CNOT6: variants seen among roughly 807,000 people sequenced by gnomAD.
CNOT6 encodes CCR4-NOT transcription complex subunit 6.
CNOT6 carries 12 observed loss-of-function variants against 61.2 expected under a neutral mutation model. The observed-to-expected ratio is 0.20, with a 90% CI of 0.13 to 0.32. The LOEUF (loss-of-function observed/expected upper bound fraction) is 0.32. Ranked by LOEUF, CNOT6 falls within the 10% of genes least tolerant of loss-of-function variation. CNOT6 has a pLI of 1.00. For missense variants in CNOT6, 405 were observed against 663.9 expected, an observed-to-expected ratio of 0.61 and a Z score of 4.28; for synonymous variants, 225 against 240.6, an observed-to-expected ratio of 0.94 and a Z score of 0.60.
rs769695067 is a variant in CNOT6, at chr5:180,571,411, G to A, written c.1440G>A (p.Thr480=). The change falls in exon 11 of 12, where the codon ACG becomes ACA. Residue 480 remains threonine (T), a synonymous_variant. Coordinates refer to ENST00000261951, the MANE Select transcript of CNOT6 (RefSeq NM_001370472.1). ...ATGAGAGTGGCCTGATGCCTTACACGAATTACACATTTGATTTCAAGGTGT... is the reference window on the plus strand; with the variant it reads ...ATGAGAGTGGCCTGATGCCTTACACAAATTACACATTTGATTTCAAGGTGT... ...SAYESGLMPY[T]NYTFDFKGII... 2.5e-5 allele frequency: 41 copies of A among 1,613,630 alleles called. No homozygotes were observed. Among genetic ancestry groups the A allele is most frequent in the Middle Eastern group, 1.6e-4 (1 of 6,084 alleles).
rs779337425 is a variant in CNOT6 at position 180,498,692 on chromosome 5, TAGC to T, written c.-3+3932_-3+3934del. On this transcript the variant is annotated intron_variant, in intron 1 of 11. Transcript: ENST00000261951. ...GCAGAAGAGAGAGCCAAAATATTGT[TAGC>T]AGAGGAGCAAGGCGATTTGGAGGTC... Among the ~76,000 whole-genome samples the T allele has an allele frequency of 2.6e-5, 4 of 152,350 alleles. No homozygotes were observed. The South Asian group carries it at 6.2e-4, about 24-fold the overall frequency.
intron 4 of CNOT6, among the ~76,000 whole-genome samples, chr5:180,555,838 G>A (rs189885812): frequency 3.9e-5 from 6 of 152,316 alleles, no homozygotes; most frequent in Admixed American, 3.3e-4. Context: ...TCTGCCTCAT[G>A]AATCAGTTCA....
chr5:180,559,482 T>C (rs1047014390), intron 4 of CNOT6, among the ~76,000 whole-genome samples: 1 of 152,216 alleles, frequency 6.6e-6, no homozygotes, highest in Non-Finnish European at 1.5e-5. Context: ...CTTTCTTGCC[T>C]CTATTATTAC....
At chr5:180,505,305 GAC>G (rs1561630891) in intron 1 of CNOT6, among the ~76,000 whole-genome samples, 1 of 74,776 alleles carries the variant, frequency 1.3e-5, no homozygotes, top group Non-Finnish European at 2.7e-5. Context: ...GCCCAGTCTG[GAC>G]TGCAGTGGCG....
At chr5:180,566,948 C>A in intron 7 of CNOT6, 140 bp from the exon 8 acceptor site, 1 of 799,920 alleles carries the variant, frequency 1.3e-6, no homozygotes, top group Non-Finnish European at 1.9e-6. Flanking sequence ...GCCACCATGC[C>A]CGGCCCGGAA....
chr5:180,546,555 G>T (rs1759322985), intron 2 of CNOT6, among the ~76,000 whole-genome samples: 1 of 152,002 alleles, frequency 6.6e-6, no homozygotes, highest in African/African-American at 2.4e-5. Context: ...TTATTTCTTT[G>T]TGATGTGTCA....
intron 11 of CNOT6, among the ~76,000 whole-genome samples, chr5:180,573,708 T>A (rs1760879674): frequency 2.0e-5 from 3 of 151,816 alleles, no homozygotes; most frequent in Admixed American, 2.0e-4. Flanking sequence ...GCAGGGAAAG[T>A]GGCACAAATT....
chr5:180,561,558 GACTC>G (rs1473163233), intron 4 of CNOT6, among the ~76,000 whole-genome samples: 2 of 151,992 alleles, frequency 1.3e-5, no homozygotes, highest in Non-Finnish European at 2.9e-5. Context: ...TTTGAAACTG[GACTC>G]ACTCATGTTA....
intron 2 of CNOT6, among the ~76,000 whole-genome samples, chr5:180,547,799 G>C (rs191907852): frequency 6.6e-6 from 1 of 152,006 alleles, no homozygotes; most frequent in African/African-American, 2.4e-5. Flanking sequence ...AGTGGCACCA[G>C]CTCAGCCCAC....
intron 1 of CNOT6, among the ~76,000 whole-genome samples, chr5:180,511,796 A>G (rs1201316016): frequency 1.3e-5 from 2 of 151,732 alleles, no homozygotes; most frequent in African/African-American, 4.8e-5. Context: ...AAAATAAAAA[A>G]TTTTTTTGAG....
In CNOT6 at chr5:180,564,656, G is replaced by A. The variant is rs1207418195; in HGVS notation, c.491-19G>A. 4 of 1,611,796 alleles carry A rather than the reference G, an allele frequency of 2.5e-6. No individual in the cohort carries two copies. The highest frequency in any genetic ancestry group is 3.4e-6 in the Non-Finnish European group (4 of 1,178,048). On this transcript the variant is annotated intron_variant, in intron 5 of 11. Transcript: ENST00000261951. ...ACGTGTAAGAATATTGCTTAATTCT[G>A]TATTTTCTATTCAACTAGTTACAAC...
At chr5:180,557,228 G>A (rs1759943347) in intron 4 of CNOT6, among the ~76,000 whole-genome samples, 1 of 152,190 alleles carries the variant, frequency 6.6e-6, no homozygotes, top group Non-Finnish European at 1.5e-5. Flanking sequence ...GTTATTGTGT[G>A]AATATAGTTA....
chr5:180,510,918 C>A (rs992048351), intron 1 of CNOT6, among the ~76,000 whole-genome samples: 2 of 152,104 alleles, frequency 1.3e-5, no homozygotes, highest in African/African-American at 4.8e-5. Context: ...TATTCTCTTG[C>A]CTCAGCCTTC....
At chr5:180,548,862 A>G (rs1047341791) in intron 2 of CNOT6, among the ~76,000 whole-genome samples, 1 of 152,186 alleles carries the variant, frequency 6.6e-6, no homozygotes, top group African/African-American at 2.4e-5. Flanking sequence ...CATTTGTTTC[A>G]TTCTCTCTCA....
chr5:180,527,309 T>C (rs1758143675), intron 1 of CNOT6, among the ~76,000 whole-genome samples: 1 of 152,238 alleles, frequency 6.6e-6, no homozygotes, highest in East Asian at 1.9e-4. Context: ...ATTTATTCCA[T>C]ATGTTTCATT....
intron 1 of CNOT6, among the ~76,000 whole-genome samples, chr5:180,503,843 G>T (rs2127694100): frequency 6.6e-6 from 1 of 152,050 alleles, no homozygotes; most frequent in South Asian, 2.1e-4. Context: ...TGGACCTTGT[G>T]ATCTGCCTGC....
chr5:180,542,677 A>G (rs1176885371), intron 2 of CNOT6, among the ~76,000 whole-genome samples: 1 of 152,232 alleles, frequency 6.6e-6, no homozygotes, highest in African/African-American at 2.4e-5. Flanking sequence ...GTGATTTCAG[A>G]ACACATAAAT....
intron 7 of CNOT6, among the ~76,000 whole-genome samples, chr5:180,566,487 A>G (rs895893387): frequency 6.6e-6 from 1 of 152,134 alleles, no homozygotes; most frequent in African/African-American, 2.4e-5. Flanking sequence ...GTTCCACCTC[A>G]GTTCTAAGAC....
chr5:180,500,326 G>C (rs762720019), intron 1 of CNOT6, among the ~76,000 whole-genome samples: 1 of 151,864 alleles, frequency 6.6e-6, no homozygotes, highest in Non-Finnish European at 1.5e-5. Context: ...TGCCCGGTTT[G>C]GTCTCACACT....
Sources: gnomAD v4.1 joint callset for allele counts (sites outside exome capture counted in the v4.1 genomes callset) on GRCh38, gnomAD v4.1.1 for gene constraint, MANE v1.5 for transcripts, NCBI Gene and HGNC (gene_info 2026-07-23, HGNC 2026-07-21) for gene names.